The following STXBP5L variants were observed in gnomAD, a reference collection of about 807,000 sequenced individuals.
The protein encoded by STXBP5L is syntaxin-binding protein 5-like.
In STXBP5L, 65 loss-of-function variants were observed where a neutral mutation model predicts 144.5. That is an observed-to-expected ratio of 0.45 (90% CI 0.37 to 0.55). The LOEUF (loss-of-function observed/expected upper bound fraction) is 0.55. STXBP5L is among the 20% of genes least tolerant of loss of function. The probability of loss-of-function intolerance (pLI) is 0.00; values close to 1 mark genes in which losing one functional copy is unlikely to be tolerated. For synonymous variants in STXBP5L, 505 were observed against 469.6 expected (o/e 1.08, Z -0.97); for missense variants, 1,298 against 1,405.5 (o/e 0.92, Z 1.22).
chr3:120,966,290 C>T lies in STXBP5L; in HGVS notation c.287+11253C>T, dbSNP rs987847728. On this transcript the variant is annotated intron_variant, in intron 3 of 26. Coordinates refer to ENST00000471454, the MANE Select transcript of STXBP5L (RefSeq NM_001308330.2). ...CCGAAGCCTACTTCTGTCAACTTGTCAAAGTCATTCTCCGTCCAGCTTTGT... is the reference window on the plus strand; with the variant it reads ...CCGAAGCCTACTTCTGTCAACTTGTTAAAGTCATTCTCCGTCCAGCTTTGT... Among the ~76,000 whole-genome samples, 3 of 152,212 alleles carry T rather than the reference C, an allele frequency of 2.0e-5. No homozygotes were observed. In the East Asian group the frequency reaches 5.8e-4, roughly 29 times the overall value.
intron 19 of STXBP5L, among the ~76,000 whole-genome samples, chr3:121,310,037 T>C (rs2043471795): frequency 6.6e-6 from 1 of 152,190 alleles, no homozygotes; most frequent in Admixed American, 6.5e-5. Flanking sequence ...GTATGGCCAA[T>C]TTGTTTTTGA....
intron 11 of STXBP5L, among the ~76,000 whole-genome samples, chr3:121,227,000 G>T (rs895375039): frequency 6.6e-6 from 1 of 151,946 alleles, no homozygotes; most frequent in Non-Finnish European, 1.5e-5. Flanking sequence ...TTCATACCTT[G>T]GTAATATAAC....
At chr3:121,041,522 A>G (rs912086565) in intron 3 of STXBP5L, among the ~76,000 whole-genome samples, 178 bp from the exon 4 acceptor site, 1 of 152,082 alleles carries the variant, frequency 6.6e-6, no homozygotes, top group African/African-American at 2.4e-5. Flanking sequence ...TTGTTGGAGT[A>G]TTAAACATCT....
intron 3 of STXBP5L, among the ~76,000 whole-genome samples, chr3:120,998,036 T>G (rs1576613202): frequency 6.6e-6 from 1 of 152,198 alleles, no homozygotes. Context: ...TCAAGATCCC[T>G]TCATGTTAAA....
chr3:121,029,546 A>T (rs1946210081), intron 3 of STXBP5L, among the ~76,000 whole-genome samples: 1 of 152,176 alleles, frequency 6.6e-6, no homozygotes, highest in Admixed American at 6.5e-5. Flanking sequence ...TGGATTAAAG[A>T]CTTAAACGTA....
At chr3:121,178,388 C>T (rs1453500555) in intron 9 of STXBP5L, among the ~76,000 whole-genome samples, 1 of 152,126 alleles carries the variant, frequency 6.6e-6, no homozygotes, top group Admixed American at 6.5e-5. Context: ...TGGCACATTA[C>T]ATCTGTTGAA....
chr3:121,024,353 C>A (rs1004311393), intron 3 of STXBP5L, among the ~76,000 whole-genome samples: 5 of 152,124 alleles, frequency 3.3e-5, no homozygotes, highest in Non-Finnish European at 5.9e-5. Flanking sequence ...TAGGATGGGT[C>A]TAGAGTGGCT....
At chr3:121,018,134 A>G (rs899362128) in intron 3 of STXBP5L, among the ~76,000 whole-genome samples, 3 of 152,190 alleles carry the variant, frequency 2.0e-5, no homozygotes, top group Admixed American at 2.0e-4. Flanking sequence ...GGATAGCAAT[A>G]TTCAATATTG....
At chr3:121,251,581 A>G (rs1346169469) in intron 15 of STXBP5L, among the ~76,000 whole-genome samples, 1 of 152,146 alleles carries the variant, frequency 6.6e-6, no homozygotes, top group Non-Finnish European at 1.5e-5. Flanking sequence ...GATGTAGGTA[A>G]CTCTTTTGGA....
chr3:121,000,264 T>C (rs1943664857), intron 3 of STXBP5L, among the ~76,000 whole-genome samples: 2 of 152,170 alleles, frequency 1.3e-5, no homozygotes, highest in African/African-American at 2.4e-5. Context: ...ATAGATTTGG[T>C]CTATAAAAAT....
chr3:121,118,619 A>T (rs1382551166), intron 6 of STXBP5L, among the ~76,000 whole-genome samples: 1 of 151,694 alleles, frequency 6.6e-6, no homozygotes, highest in African/African-American at 2.4e-5. Flanking sequence ...ATCTCAATCA[A>T]ATCTATATTT....
intron 3 of STXBP5L, among the ~76,000 whole-genome samples, chr3:121,036,483 T>G (rs1284442715): frequency 6.6e-6 from 1 of 152,186 alleles, no homozygotes; most frequent in Non-Finnish European, 1.5e-5. Context: ...TTTCTCACCT[T>G]AATGCACTTG....
At chr3:121,391,464 G>C (rs913382482) in intron 22 of STXBP5L, among the ~76,000 whole-genome samples, 3 of 152,174 alleles carry the variant, frequency 2.0e-5, no homozygotes, top group African/African-American at 7.2e-5. Context: ...GAAGAGAAGA[G>C]GGGCTCTGAT....
At chr3:121,305,516 G>T (rs2108501206) in intron 19 of STXBP5L, among the ~76,000 whole-genome samples, 1 of 152,182 alleles carries the variant, frequency 6.6e-6, no homozygotes, top group Non-Finnish European at 1.5e-5. Context: ...GAAAATCAAT[G>T]AATGTAAAAT....
rs547838519 is a variant in STXBP5L at position 121,105,671 on chromosome 3, A to T, written c.471-9254A>T. 1.3e-4 allele frequency among the ~76,000 whole-genome samples: 19 copies of T among 141,496 alleles called. No individual in the cohort carries two copies. The South Asian group carries it at 1.8e-3, about 13-fold the overall frequency. The allele number at this position is 141,496 out of a possible 152,430, so 92.8% of individuals were successfully genotyped here. A position where few individuals can be genotyped will look rare whatever the true frequency, so the allele number is the denominator to read the frequency against. Reference sequence around the variant, plus strand: ...AGATTCCTTAAATAACTTTTGATTTAAAAAAAAGCTGTTAGAATAGATAAA... The same window carrying T: ...AGATTCCTTAAATAACTTTTGATTTTAAAAAAAGCTGTTAGAATAGATAAA... On this transcript the variant is annotated intron_variant, in intron 5 of 26. Coordinates refer to ENST00000471454, the MANE Select transcript of STXBP5L (RefSeq NM_001308330.2).
intron 9 of STXBP5L, among the ~76,000 whole-genome samples, chr3:121,204,397 T>G (rs1191297): frequency 0.79 from 119,657 of 152,070 alleles, 47,308 homozygotes; most frequent in East Asian, 0.93. Context: ...TTTATTATTT[T>G]TTTCTTCTTT....
At chr3:121,275,014 TTA>T (rs1208688929) in intron 18 of STXBP5L, among the ~76,000 whole-genome samples, 3 of 152,180 alleles carry the variant, frequency 2.0e-5, no homozygotes, top group Non-Finnish European at 2.9e-5. Flanking sequence ...TTGTTGAAGA[TTA>T]TATATGTTTC....
intron 5 of STXBP5L, among the ~76,000 whole-genome samples, chr3:121,089,332 A>C (rs1446939620): frequency 1.3e-5 from 2 of 151,664 alleles, no homozygotes; most frequent in Non-Finnish European, 2.9e-5. Context: ...TAATGTCATA[A>C]TTTCTTCATA....
intron 5 of STXBP5L, among the ~76,000 whole-genome samples, chr3:121,055,517 G>A (rs748868525): frequency 1.3e-5 from 2 of 151,930 alleles, no homozygotes; most frequent in African/African-American, 2.4e-5. Context: ...TATTATTGGA[G>A]TATTATTATT....
Sources: gnomAD v4.1 joint callset for allele counts (sites outside exome capture counted in the v4.1 genomes callset) on GRCh38, gnomAD v4.1.1 for gene constraint, MANE v1.5 for transcripts, NCBI Gene and HGNC (gene_info 2026-07-23, HGNC 2026-07-21) for gene names.